ADK: variants seen among roughly 807,000 people sequenced by gnomAD.
The protein encoded by ADK is N6,N6-dimethyladenosine kinase.
ADK carries 24 observed loss-of-function variants against 44.7 expected under a neutral mutation model. That is an observed-to-expected ratio of 0.54 (90% CI 0.39 to 0.76). ADK has a LOEUF of 0.76. Among genes scored for constraint, ADK ranks in the 30% least tolerant of loss-of-function variants. ADK has a pLI of 0.00. For missense variants in ADK, 321 were observed against 425.1 expected, an observed-to-expected ratio of 0.76 and a Z score of 2.15; for synonymous variants, 128 against 142.6, an observed-to-expected ratio of 0.90 and a Z score of 0.73.
intron 1 of ADK, among the ~76,000 whole-genome samples, chr10:74,155,202 A>T (rs1302425108): frequency 1.3e-5 from 2 of 152,124 alleles, no homozygotes; most frequent in African/African-American, 2.4e-5. Context: ...TAAACCTAGG[A>T]GCTGGGCATG....
At position 74,343,582 on chromosome 10, in the gene ADK, A is replaced by G. The variant is rs79867915; in HGVS notation, c.273+28837A>G. On this transcript the variant is annotated intron_variant, in intron 4 of 10. Transcript: ENST00000539909. ...TCAAACCAGTGTTGTTCTGGAGTCA[A>G]TTGTAGTGGATTTTGCCAAATGCTT... Among the ~76,000 whole-genome samples the G allele has an allele frequency of 5.2e-3, 795 of 152,110 alleles. 12 individuals are homozygous for G. The highest frequency in any genetic ancestry group is 0.017 in the African/African-American group (718 of 41,504).
At chr10:74,216,109 C>A (rs1844006746) in intron 2 of ADK, among the ~76,000 whole-genome samples, 1 of 152,036 alleles carries the variant, frequency 6.6e-6, no homozygotes, top group African/African-American at 2.4e-5. Context: ...ACTTTTCACA[C>A]CAGATTCTAT....
chr10:74,607,251 G>C (rs1313409599), intron 9 of ADK, among the ~76,000 whole-genome samples: 1 of 152,156 alleles, frequency 6.6e-6, no homozygotes, highest in South Asian at 2.1e-4. Context: ...AATATATTAT[G>C]CATGAATTTG....
intron 6 of ADK, among the ~76,000 whole-genome samples, chr10:74,459,337 T>A (rs1233739508): frequency 1.3e-5 from 2 of 151,900 alleles, no homozygotes; most frequent in South Asian, 4.2e-4. Flanking sequence ...ATGCAAAAAT[T>A]TAACAGATTT....
At position 74,151,289 on chromosome 10, in the gene ADK, C is replaced by T; in HGVS notation, c.11C>T (p.Ala4Val). ...GGTGGGAGCGCGAAGATGGCAGCTG[C>T]TGAGGAGGAGCCGAAGCCCAAAAAG... is the stretch of plus-strand genomic sequence containing the variant. MAAAEEEPKPKKLK... is the reference protein window; with the variant it reads MAAVEEEPKPKKLK... The change falls in exon 1 of 11, where the codon GCT (alanine) becomes GTT (valine). Residue 4 changes from alanine (A) to valine (V), a missense_variant. Coordinates refer to ENST00000539909, the MANE Select transcript of ADK (RefSeq NM_006721.4). 6 of 1,549,644 alleles carry T rather than the reference C, an allele frequency of 3.9e-6. No homozygotes were observed. The highest frequency in any genetic ancestry group is 4.4e-6 in the Non-Finnish European group (5 of 1,146,834).
intron 7 of ADK, among the ~76,000 whole-genome samples, chr10:74,556,371 G>A (rs1850247258): frequency 6.6e-6 from 1 of 152,164 alleles, no homozygotes; most frequent in Admixed American, 6.5e-5. Context: ...CCTTCTCAGT[G>A]CAGATAGCTT....
At chr10:74,353,334 A>G (rs1290330683) in intron 4 of ADK, among the ~76,000 whole-genome samples, 1 of 152,124 alleles carries the variant, frequency 6.6e-6, no homozygotes, top group Non-Finnish European at 1.5e-5. Flanking sequence ...ACATGTTCTC[A>G]TTAATAAGTG....
intron 6 of ADK, among the ~76,000 whole-genome samples, chr10:74,408,022 C>T (rs1412276174): frequency 1.3e-5 from 2 of 151,914 alleles, no homozygotes; most frequent in Non-Finnish European, 2.9e-5. Flanking sequence ...GTCTGTTGCC[C>T]AGGCTGGAGT....
chr10:74,307,525 T>C (rs1840298891), intron 3 of ADK, among the ~76,000 whole-genome samples: 1 of 152,194 alleles, frequency 6.6e-6, no homozygotes, highest in Non-Finnish European at 1.5e-5. Context: ...TTATGATTTA[T>C]ATGGCCTTCC....
At chr10:74,274,301 C>T (rs1270700276) in intron 3 of ADK, among the ~76,000 whole-genome samples, 2 of 152,132 alleles carry the variant, frequency 1.3e-5, no homozygotes, top group Non-Finnish European at 2.9e-5. Flanking sequence ...GTAGCTCACA[C>T]CTGTAATCCC....
chr10:74,306,047 T>G (rs1053773319), intron 3 of ADK, among the ~76,000 whole-genome samples: 2 of 152,078 alleles, frequency 1.3e-5, no homozygotes, highest in African/African-American at 2.4e-5. Flanking sequence ...TTTCAATTTT[T>G]TTTTTTCTGC....
At chr10:74,689,883 G>A (rs545599964) in intron 10 of ADK, among the ~76,000 whole-genome samples, 1 of 152,186 alleles carries the variant, frequency 6.6e-6, no homozygotes, top group Admixed American at 6.5e-5. Flanking sequence ...CAGAATAGTG[G>A]TTCTCAAACT....
intron 1 of ADK, among the ~76,000 whole-genome samples, chr10:74,173,584 C>T (rs1207864080): frequency 6.6e-6 from 1 of 151,812 alleles, no homozygotes; most frequent in Non-Finnish European, 1.5e-5. Flanking sequence ...GTGTGTGCCA[C>T]CGCGCCCAAC....
chr10:74,423,712 C>T, intron 6 of ADK: 1 of 446,310 alleles, frequency 2.2e-6, no homozygotes, highest in Non-Finnish European at 4.5e-6. Context: ...GCTGGCCTGC[C>T]TCTCTAGCTC....
intron 1 of ADK, among the ~76,000 whole-genome samples, chr10:74,185,992 T>G (rs1476137631): frequency 6.6e-6 from 1 of 151,472 alleles, no homozygotes; most frequent in Non-Finnish European, 1.5e-5. Context: ...GGATTACAGG[T>G]GCGCCCCACC....
At chr10:74,702,018 T>C (rs1022091125) in intron 10 of ADK, among the ~76,000 whole-genome samples, 2 of 152,014 alleles carry the variant, frequency 1.3e-5, no homozygotes, top group African/African-American at 4.8e-5. Flanking sequence ...GGAGAAGAGG[T>C]AGGCTCTTGT....
intron 9 of ADK, among the ~76,000 whole-genome samples, chr10:74,613,214 G>A (rs777218053): frequency 6.6e-5 from 10 of 152,106 alleles, no homozygotes; most frequent in Non-Finnish European, 1.2e-4. Context: ...GGGCAGTACA[G>A]TCTGGGGCAA....
chr10:74,291,738 AT>A (rs1204575906), intron 3 of ADK, among the ~76,000 whole-genome samples: 1 of 150,926 alleles, frequency 6.6e-6, no homozygotes, highest in African/African-American at 2.4e-5. Flanking sequence ...CATACTAGAT[AT>A]TCTATGAGGG....
At chr10:74,290,270 G>A (rs1430987318) in intron 3 of ADK, among the ~76,000 whole-genome samples, 1 of 152,014 alleles carries the variant, frequency 6.6e-6, no homozygotes, top group Non-Finnish European at 1.5e-5. Flanking sequence ...GACTTACTGT[G>A]TTTATAATTA....
Sources: allele counts gnomAD v4.1 joint callset (sites outside exome capture counted in the v4.1 genomes callset), GRCh38; gene constraint gnomAD v4.1.1; transcripts MANE v1.5; gene names NCBI Gene and HGNC (gene_info 2026-07-23, HGNC 2026-07-21).